Variants in GALNT13 observed in about 807,000 individuals in gnomAD.
The protein encoded by GALNT13 is polypeptide N-acetylgalactosaminyltransferase 13, also known as UDP-GalNAc:polypeptide N-acetylgalactosaminyltransferase 13.
Under a neutral mutation model 64.2 loss-of-function variants are expected in GALNT13, and 28 were observed. That is an observed-to-expected ratio of 0.44 (90% confidence interval 0.32 to 0.60). The LOEUF (loss-of-function observed/expected upper bound fraction) is 0.60. Ranked by LOEUF, GALNT13 falls within the 20% of genes least tolerant of loss-of-function variation. The probability of loss-of-function intolerance (pLI) is 0.05; values close to 1 mark genes in which losing one functional copy is unlikely to be tolerated. For missense variants in GALNT13, 577 were observed against 669.8 expected, an observed-to-expected ratio of 0.86 and a Z score of 1.53; for synonymous variants, 214 against 224.6, an observed-to-expected ratio of 0.95 and a Z score of 0.42.
At chr2:154,356,573 T>A (rs2105272540) in intron 9 of GALNT13, among the ~76,000 whole-genome samples, 1 of 152,114 alleles carries the variant, frequency 6.6e-6, no homozygotes, top group Non-Finnish European at 1.5e-5. Context: ...ATTATTCTAC[T>A]TAGGAAACTT....
chr2:153,914,479 G>A (rs1282487792), intron 2 of GALNT13, among the ~76,000 whole-genome samples: 3 of 42,320 alleles, frequency 7.1e-5, no homozygotes, highest in African/African-American at 3.0e-4. Flanking sequence ...GCGAGTCTCC[G>A]TCTCAAAAAA....
At chr2:154,214,899 C>G (rs189037575) in intron 4 of GALNT13, among the ~76,000 whole-genome samples, 357 of 152,236 alleles carry the variant, frequency 2.3e-3, no homozygotes, top group Middle Eastern at 0.02. Context: ...CAGTCTGTTT[C>G]CCTAGCACAA....
chr2:154,455,796 A>C (rs1702025165), downstream of GALNT13, among the ~76,000 whole-genome samples: 1 of 152,198 alleles, frequency 6.6e-6, no homozygotes, highest in Non-Finnish European at 1.5e-5. Context: ...GTTTTAAAAG[A>C]AAAATCCCTC....
At chr2:154,119,846 T>C (rs1485415129) in intron 3 of GALNT13, among the ~76,000 whole-genome samples, 1 of 152,194 alleles carries the variant, frequency 6.6e-6, no homozygotes, top group African/African-American at 2.4e-5. Context: ...TTATTACGTT[T>C]TTCATCCATA....
At chr2:153,718,049 G>A in the GALNT13 span, among the ~76,000 whole-genome samples, 1 of 151,652 alleles carries the variant, frequency 6.6e-6, no homozygotes, top group Non-Finnish European at 1.5e-5. Context: ...TGAGAATATG[G>A]CTCACCTCTT....
the GALNT13 span, among the ~76,000 whole-genome samples, chr2:153,119,226 CTA>C: frequency 1.2e-3 from 184 of 151,998 alleles, 2 homozygotes; most frequent in African/African-American, 4.2e-3. Context: ...TGAGAATGAA[CTA>C]ATACATAAGT....
the GALNT13 span, among the ~76,000 whole-genome samples, chr2:153,290,920 GA>G: frequency 6.6e-6 from 1 of 152,094 alleles, no homozygotes; most frequent in East Asian, 1.9e-4. Context: ...AATGTAACAG[GA>G]AAAATGCCAT....
chr2:153,706,504 A>G, the GALNT13 span, among the ~76,000 whole-genome samples: 2 of 152,216 alleles, frequency 1.3e-5, no homozygotes, highest in African/African-American at 4.8e-5. Context: ...TTAACATTTA[A>G]CATTACACGA....
chr2:154,290,562 A>T (rs1021190793), intron 8 of GALNT13, among the ~76,000 whole-genome samples: 2 of 152,200 alleles, frequency 1.3e-5, no homozygotes, highest in Non-Finnish European at 2.9e-5. Flanking sequence ...CTGGCTTGTT[A>T]AAAGGCCAGA....
intron 3 of GALNT13, among the ~76,000 whole-genome samples, chr2:154,080,439 C>T (rs775337497): frequency 2.0e-5 from 3 of 151,552 alleles, no homozygotes; most frequent in African/African-American, 4.8e-5. Context: ...ATAAGAAAAA[C>T]TTGAAATGCA....
the GALNT13 span, among the ~76,000 whole-genome samples, chr2:153,501,698 A>G: frequency 6.6e-6 from 1 of 152,220 alleles, no homozygotes; most frequent in African/African-American, 2.4e-5. Flanking sequence ...TCATATGTGC[A>G]TTAAGAGAGC....
the GALNT13 span, among the ~76,000 whole-genome samples, chr2:153,646,960 T>G: frequency 1.3e-5 from 2 of 152,092 alleles, no homozygotes; most frequent in Non-Finnish European, 2.9e-5. Context: ...ATGATTTATA[T>G]TCCTTTGGGT....
the GALNT13 span, among the ~76,000 whole-genome samples, chr2:153,590,269 C>T: frequency 2.0e-5 from 3 of 152,160 alleles, no homozygotes; most frequent in South Asian, 2.1e-4. Flanking sequence ...AACATACAAC[C>T]TCTCAAGATT....
At chr2:154,048,437 G>C (rs1699401156) in intron 3 of GALNT13, among the ~76,000 whole-genome samples, 1 of 152,104 alleles carries the variant, frequency 6.6e-6, no homozygotes, top group Non-Finnish European at 1.5e-5. Context: ...ATAAAATACT[G>C]TTTGGGAAAA....
the GALNT13 span, among the ~76,000 whole-genome samples, chr2:153,480,176 A>G: frequency 6.6e-6 from 1 of 152,188 alleles, no homozygotes; most frequent in Admixed American, 6.5e-5. Context: ...TAAAACTGAA[A>G]AATAGTAGCT....
chr2:154,155,277 A>G (rs890655105), intron 4 of GALNT13, among the ~76,000 whole-genome samples: 13 of 152,220 alleles, frequency 8.5e-5, no homozygotes, highest in Admixed American at 1.3e-4. Context: ...AAAAACAGCC[A>G]TTTGAAAGTC....
chr2:153,420,566 G>A, the GALNT13 span: 21 of 162,334 alleles, frequency 1.3e-4, no homozygotes, highest in Non-Finnish European at 2.1e-4. Context: ...CATGATTACC[G>A]CTGAGTGAAA....
chr2:154,113,094 C>T (rs182562235), intron 3 of GALNT13, among the ~76,000 whole-genome samples: 22 of 152,156 alleles, frequency 1.4e-4, no homozygotes, highest in Admixed American at 2.6e-4. Flanking sequence ...GACCCGTAGG[C>T]AAACATTCAG....
the GALNT13 span, among the ~76,000 whole-genome samples, chr2:153,571,434 G>T: frequency 1.3e-5 from 2 of 151,926 alleles, no homozygotes; most frequent in Non-Finnish European, 2.9e-5. Context: ...AAATTTGATG[G>T]CTTTTATTTC....
Sources: gnomAD v4.1 joint callset for allele counts (sites outside exome capture counted in the v4.1 genomes callset) on GRCh38, gnomAD v4.1.1 for gene constraint, MANE v1.5 for transcripts, NCBI Gene and HGNC (gene_info 2026-07-23, HGNC 2026-07-21) for gene names.